The following PTPRK variants were observed in gnomAD, a reference collection of about 807,000 sequenced individuals.
PTPRK encodes the protein protein tyrosine phosphatase receptor type K, also known as receptor-type tyrosine-protein phosphatase kappa.
PTPRK carries 75 observed loss-of-function variants against 178.0 expected under a neutral mutation model. That is an observed-to-expected ratio of 0.42 (90% confidence interval 0.35 to 0.51). PTPRK has a LOEUF of 0.51. Among genes scored for constraint, PTPRK ranks in the 20% least tolerant of loss-of-function variants. The probability of loss-of-function intolerance (pLI) is 0.02; values close to 1 mark genes in which losing one functional copy is unlikely to be tolerated. For missense variants in PTPRK, 1,441 were observed against 1,797.8 expected, an observed-to-expected ratio of 0.80 and a Z score of 3.59; for synonymous variants, 637 against 620.6, an observed-to-expected ratio of 1.03 and a Z score of -0.39.
intron 21 of PTPRK, among the ~76,000 whole-genome samples, chr6:127,989,156 C>T (rs1776304560): frequency 6.6e-6 from 1 of 152,004 alleles, no homozygotes; most frequent in Non-Finnish European, 1.5e-5. Flanking sequence ...TTCCTTATTA[C>T]TAAGTTCATC....
rs142802605 is a variant in PTPRK at position 128,520,282 on chromosome 6, G to A, written c.77C>T (p.Ser26Leu). The stretch of plus-strand genomic sequence containing the variant: ...ACCTGCGGAGAACTGGCCTTGGGCC[G>A]ATCCCAGGAGAGGCCAAGGAGAGAG... ...LLLSPWPLLG[S>L]AQGQFSAGGC... Residue 26 changes from serine to leucine, a missense_variant, in exon 1 of 30, where the codon TCG (serine) becomes TTG (leucine). By Grantham distance (145) the Ser-to-Leu change is moderately radical (BLOSUM62 -2). Coordinates refer to ENST00000368226, the MANE Select transcript of PTPRK (RefSeq NM_002844.4). 3 of 1,605,272 alleles carry A rather than the reference G, an allele frequency of 1.9e-6. No individual in the cohort carries two copies. Among genetic ancestry groups the A allele is most frequent in the East Asian group, 2.2e-5 (1 of 44,482 alleles).
In PTPRK at chr6:127,973,114, C is replaced by G; in HGVS notation, c.4177G>C (p.Val1393Leu). 1 of 1,614,042 alleles carries G rather than the reference C, an allele frequency of 6.2e-7. No individual in the cohort carries two copies. Among genetic ancestry groups the G allele is most frequent in the Non-Finnish European group, 8.5e-7 (1 of 1,179,962 alleles). ...TTTTGCCGTTTCACCATTTCAACAA[C>G]GATGCCTATAGCACAGAACATGCCA... is the stretch of plus-strand genomic sequence containing the variant. ...RSGMFCAIGI[V>L]VEMVKRQNVV... Residue 1393 changes from valine to leucine, a missense_variant, in exon 29 of 30, where the codon GTT (valine) becomes CTT (leucine). By Grantham distance (32) the Val-to-Leu change is conservative. Transcript: ENST00000368226.
At chr6:128,192,255 C>G (rs972628855) in intron 6 of PTPRK, among the ~76,000 whole-genome samples, 3 of 151,992 alleles carry the variant, frequency 2.0e-5, no homozygotes, top group African/African-American at 7.3e-5. Context: ...AAGCATACCC[C>G]TGAAAAAACA....
intron 7 of PTPRK, among the ~76,000 whole-genome samples, chr6:128,153,399 A>G (rs1431766713): frequency 6.6e-6 from 1 of 152,006 alleles, no homozygotes; most frequent in Admixed American, 6.6e-5. Context: ...AAAGTAATTT[A>G]ATCTATTTAA....
intron 6 of PTPRK, among the ~76,000 whole-genome samples, chr6:128,194,136 C>T (rs956114556): frequency 4.0e-5 from 6 of 149,834 alleles, no homozygotes; most frequent in African/African-American, 1.5e-4. Flanking sequence ...CCCAGGCTAG[C>T]GTGCAGTGGC....
At chr6:128,403,684 A>G (rs1841312667) in intron 1 of PTPRK, among the ~76,000 whole-genome samples, 1 of 152,174 alleles carries the variant, frequency 6.6e-6, no homozygotes, top group African/African-American at 2.4e-5. Flanking sequence ...TAAGCCCTTA[A>G]CAAAAAGAGA....
chr6:128,472,672 C>G, intron 1 of PTPRK: 1 of 355,488 alleles, frequency 2.8e-6, no homozygotes, highest in Non-Finnish European at 5.5e-6. Context: ...ACAACTTGCT[C>G]TTTAACCCCA....
At chr6:128,169,167 T>A (rs1405854372) in intron 7 of PTPRK, among the ~76,000 whole-genome samples, 1 of 152,086 alleles carries the variant, frequency 6.6e-6, no homozygotes. Context: ...AATAATATCC[T>A]ATTGTAAACT....
intron 1 of PTPRK, among the ~76,000 whole-genome samples, chr6:128,467,554 T>C (rs966825398): frequency 4.6e-5 from 7 of 152,204 alleles, no homozygotes; most frequent in Non-Finnish European, 1.0e-4. Context: ...ACGCGAAGCA[T>C]GTTTGCAGCC....
At chr6:128,438,504 C>T (rs1292473495) in intron 1 of PTPRK, among the ~76,000 whole-genome samples, 3 of 152,218 alleles carry the variant, frequency 2.0e-5, no homozygotes, top group Non-Finnish European at 4.4e-5. Context: ...GGAGAAGAGC[C>T]AGTCAGCATT....
intron 1 of PTPRK, among the ~76,000 whole-genome samples, chr6:128,469,239 T>C (rs1215375571): frequency 6.6e-6 from 1 of 152,194 alleles, no homozygotes; most frequent in African/African-American, 2.4e-5. Context: ...AAAGGTTAGC[T>C]TGTGTACTTA....
chr6:128,342,495 G>A (rs1016878932), intron 2 of PTPRK, among the ~76,000 whole-genome samples: 3 of 151,946 alleles, frequency 2.0e-5, no homozygotes, highest in Non-Finnish European at 4.4e-5. Context: ...CCAGATCCAA[G>A]GAGGATTAAA....
intron 2 of PTPRK, among the ~76,000 whole-genome samples, chr6:128,339,678 AT>A (rs1831410424): frequency 6.6e-6 from 1 of 152,158 alleles, no homozygotes; most frequent in African/African-American, 2.4e-5. Context: ...AGAAAAAAAA[AT>A]ATCCTTCTGT....
intron 2 of PTPRK, among the ~76,000 whole-genome samples, chr6:128,394,131 C>T (rs1025093729): frequency 6.6e-6 from 1 of 152,146 alleles, no homozygotes; most frequent in Non-Finnish European, 1.5e-5. Flanking sequence ...TACATACTCT[C>T]TTGCATCTGG....
intron 7 of PTPRK, among the ~76,000 whole-genome samples, chr6:128,122,533 A>C (rs1027671956): frequency 1.3e-5 from 2 of 152,290 alleles, no homozygotes; most frequent in Middle Eastern, 3.4e-3. Context: ...TTAAACCTTA[A>C]AGTAGAATCC....
At chr6:128,473,404 A>ATTTTTTTTTTTTTTTTT (rs67418131) in intron 1 of PTPRK, among the ~76,000 whole-genome samples, 1 of 90,872 alleles carries the variant, frequency 1.1e-5, no homozygotes, top group African/African-American at 4.4e-5. Flanking sequence ...TATGGTTACT[A>ATTTTTTTTTTTTTTTTT]TTTTTTTTTT....
chr6:128,437,432 A>G (rs1845737114), intron 1 of PTPRK, among the ~76,000 whole-genome samples: 1 of 152,114 alleles, frequency 6.6e-6, no homozygotes, highest in South Asian at 2.1e-4. Context: ...CTAATAAACT[A>G]TGTTACCTTC....
At chr6:128,365,884 C>T (rs1283248643) in intron 2 of PTPRK, among the ~76,000 whole-genome samples, 1 of 152,040 alleles carries the variant, frequency 6.6e-6, no homozygotes, top group Admixed American at 6.6e-5. Context: ...ATTAAATGCT[C>T]CCAGAAGTGC....
At chr6:128,049,668 G>C (rs545150871) in intron 13 of PTPRK, among the ~76,000 whole-genome samples, 1 of 152,076 alleles carries the variant, frequency 6.6e-6, no homozygotes, top group African/African-American at 2.4e-5. Context: ...GCATGATTCA[G>C]CACATTTAAA....
Sources: gnomAD v4.1 joint callset for allele counts (sites outside exome capture counted in the v4.1 genomes callset) on GRCh38, gnomAD v4.1.1 for gene constraint, MANE v1.5 for transcripts, NCBI Gene and HGNC (gene_info 2026-07-23, HGNC 2026-07-21) for gene names.